ACER1: variants seen among roughly 807,000 people sequenced by gnomAD.
ACER1 encodes alkaline ceramidase 1, also known as CTB-180A7.3.
ACER1 carries 28 observed loss-of-function variants against 24.9 expected under a neutral mutation model. The ratio of observed to expected loss-of-function variants is 1.13; its 90% CI spans 0.83 to 1.54. The LOEUF (loss-of-function observed/expected upper bound fraction) is 1.54. Ranked by LOEUF, ACER1 falls within the 40% of genes most tolerant of loss-of-function variation. The probability of loss-of-function intolerance (pLI) is 0.00; values close to 1 mark genes in which losing one functional copy is unlikely to be tolerated. For synonymous variants in ACER1, 132 were observed against 131.4 expected (o/e 1.00, Z -0.03); for missense variants, 352 against 349.3 (o/e 1.01, Z -0.06).
intron 1 of ACER1, among the ~76,000 whole-genome samples, chr19:6,316,619 G>A (rs958201512): frequency 2.0e-4 from 31 of 151,420 alleles, no homozygotes; most frequent in African/African-American, 7.3e-4. Context: ...AAGAGTTCGA[G>A]ACCAGCCTGG....
At chr19:6,355,282 C>T in the ACER1 span, among the ~76,000 whole-genome samples, 2 of 151,742 alleles carry the variant, frequency 1.3e-5, no homozygotes, top group African/African-American at 2.4e-5. Flanking sequence ...GCCTGGCCGC[C>T]CATCGTCTGG....
chr19:6,330,062 G>A lies in ACER1; in HGVS notation c.93+3397C>T, dbSNP rs139904667. ...ATTTTTTTGTATTTTTAGCAGAGACGGGGTTTCACCGTGTTAGCCAGGATG... is the reference window on the plus strand; with the variant it reads ...ATTTTTTTGTATTTTTAGCAGAGACAGGGTTTCACCGTGTTAGCCAGGATG... On this transcript the variant is annotated intron_variant, in intron 1 of 5. Transcript: ENST00000301452. Among the ~76,000 whole-genome samples the A allele has an allele frequency of 5.4e-3, 822 of 151,592 alleles. 5 individuals carry two copies. Among genetic ancestry groups the A allele is most frequent in the African/African-American group, 0.019 (799 of 41,306 alleles).
chr19:6,340,508 C>T, the ACER1 span, among the ~76,000 whole-genome samples: 1 of 152,170 alleles, frequency 6.6e-6, no homozygotes, highest in Non-Finnish European at 1.5e-5. Flanking sequence ...ACCACTGCCA[C>T]CCCAGCTCCC....
At chr19:6,315,419 G>A (rs555527557) in intron 1 of ACER1, among the ~76,000 whole-genome samples, 15 of 151,348 alleles carry the variant, frequency 9.9e-5, no homozygotes, top group South Asian at 4.2e-4. Flanking sequence ...TCACTCCGTC[G>A]CCCAGGCTGG....
At chr19:6,327,514 G>A (rs966492520) in intron 1 of ACER1, among the ~76,000 whole-genome samples, 15 of 151,894 alleles carry the variant, frequency 9.9e-5, no homozygotes, top group African/African-American at 2.9e-4. Flanking sequence ...GCAGTGAGCC[G>A]AGATCAGGCC....
chr19:6,322,817 A>T (rs1031593361), intron 1 of ACER1, among the ~76,000 whole-genome samples: 1 of 152,106 alleles, frequency 6.6e-6, no homozygotes, highest in South Asian at 2.1e-4. Context: ...TGGTTTTAAA[A>T]ACAGGAGTTT....
At chr19:6,354,409 G>C in the ACER1 span, among the ~76,000 whole-genome samples, 1 of 151,966 alleles carries the variant, frequency 6.6e-6, no homozygotes, top group African/African-American at 2.4e-5. Flanking sequence ...GGCCTGGGTG[G>C]CCTTTTGTAC....
chr19:6,315,970 A>G (rs1432433248), intron 1 of ACER1, among the ~76,000 whole-genome samples: 1 of 152,196 alleles, frequency 6.6e-6, no homozygotes, highest in East Asian at 1.9e-4. Context: ...TCTACAAAAA[A>G]TACAAGAATT....
At chr19:6,325,852 C>T (rs551361812) in intron 1 of ACER1, among the ~76,000 whole-genome samples, 131 of 151,230 alleles carry the variant, frequency 8.7e-4, no homozygotes, top group Non-Finnish European at 1.6e-3. Flanking sequence ...AGAGCAAGAC[C>T]CTGTCACTAA....
At chr19:6,310,515 G>A (rs1025298238) in intron 3 of ACER1, among the ~76,000 whole-genome samples, 1 of 152,008 alleles carries the variant, frequency 6.6e-6, no homozygotes, top group Non-Finnish European at 1.5e-5. Flanking sequence ...GGTTTCAGTG[G>A]GCCAAGATCA....
At chr19:6,340,777 G>A in the ACER1 span, among the ~76,000 whole-genome samples, 1 of 152,078 alleles carries the variant, frequency 6.6e-6, no homozygotes, top group Non-Finnish European at 1.5e-5. Context: ...AGGTGGGTGG[G>A]AGCCGGGGGA....
intron 4 of ACER1, 84 bp from the exon 5 acceptor site, chr19:6,307,374 A>C: frequency 1.3e-6 from 2 of 1,508,878 alleles, no homozygotes; most frequent in South Asian, 2.4e-5. Flanking sequence ...TTCCACAGTG[A>C]TGAGGCTCAG....
intron 5 of ACER1, 68 bp from the exon 6 acceptor site, chr19:6,306,950 A>G (rs1247063972): frequency 1.3e-6 from 2 of 1,546,928 alleles, no homozygotes; most frequent in East Asian, 2.3e-5. Context: ...CCCTCTTTTT[A>G]CTTCTCATGG....
chr19:6,325,237 G>C (rs1600242674), intron 1 of ACER1, among the ~76,000 whole-genome samples: 1 of 152,076 alleles, frequency 6.6e-6, no homozygotes, highest in Non-Finnish European at 1.5e-5. Context: ...TCCCAATTTG[G>C]CCCCTGAAAA....
At chr19:6,312,627 G>A (rs2091587708) in intron 1 of ACER1, 128 bp from the exon 2 acceptor site, 1 of 665,250 alleles carries the variant, frequency 1.5e-6, no homozygotes, top group Non-Finnish European at 2.6e-6. Context: ...CATCAACCCA[G>A]GATTTGTCAA....
Position 6,306,571 on chromosome 19 carries a change from G to A in ACER1, c.*143C>T. ...AGTCCATCATCTGCCTCAAGGCAGG[G>A]CAGCGCAGGACAAGGAGGACACGGA... On this transcript the variant is annotated 3_prime_UTR_variant, in exon 6 of 6. Coordinates refer to ENST00000301452, the MANE Select transcript of ACER1 (RefSeq NM_133492.3). 2.0e-6 allele frequency: 2 copies of A among 999,504 alleles called. No homozygotes were observed. Among genetic ancestry groups the A allele is most frequent in the South Asian group, 3.7e-5 (2 of 54,788 alleles). 61.9% of individuals were successfully genotyped at this position (999,504 alleles called of 1,614,324 possible).
chr19:6,349,089 A>G, the ACER1 span, among the ~76,000 whole-genome samples: 1 of 151,004 alleles, frequency 6.6e-6, no homozygotes, highest in East Asian at 1.9e-4. Flanking sequence ...AGGAGGAGGA[A>G]GAAAGAAGAA....
chr19:6,356,830 T>A, the ACER1 span, among the ~76,000 whole-genome samples: 1 of 151,832 alleles, frequency 6.6e-6, no homozygotes, highest in Admixed American at 6.6e-5. Flanking sequence ...AGTCCAGAAG[T>A]ATGAGGCTGC....
At chr19:6,342,255 GTTCT>G in the ACER1 span, among the ~76,000 whole-genome samples, 2 of 114,100 alleles carry the variant, frequency 1.8e-5, no homozygotes, top group Non-Finnish European at 3.4e-5. Flanking sequence ...GAGTATCCTA[GTTCT>G]TTTTTTTTTT....
Sources: allele counts gnomAD v4.1 joint callset (sites outside exome capture counted in the v4.1 genomes callset), GRCh38; gene constraint gnomAD v4.1.1; transcripts MANE v1.5; gene names NCBI Gene and HGNC (gene_info 2026-07-23, HGNC 2026-07-21).